Variants in SLC35F1 observed in about 807,000 individuals in gnomAD.
The protein encoded by SLC35F1 is solute carrier family 35 member F1.
In SLC35F1, 14 loss-of-function variants were observed where a neutral mutation model predicts 48.7. The observed-to-expected ratio is 0.29, with a 90% CI of 0.19 to 0.45. The LOEUF is 0.45. SLC35F1 is among the 20% of genes least tolerant of loss of function. The pLI is 1.00. For missense variants in SLC35F1, 404 were observed against 500.0 expected, an observed-to-expected ratio of 0.81 and a Z score of 1.83; for synonymous variants, 190 against 202.2, an observed-to-expected ratio of 0.94 and a Z score of 0.51.
chr6:117,907,548 C>A lies in SLC35F1; in HGVS notation c.-179C>A. 2.7e-6 allele frequency: 1 copy of A among 365,148 alleles called. No individual in the cohort carries two copies. Among genetic ancestry groups the A allele is most frequent in the Non-Finnish European group, 4.8e-6 (1 of 206,494 alleles). The allele number at this position is 365,148 out of a possible 1,614,324, so 22.6% of individuals were successfully genotyped here. A position where few individuals can be genotyped will look rare whatever the true frequency, so the allele number is the denominator to read the frequency against. ...ACTGGGACTGGAGAGGAGTGAGTGG[C>A]GGGCTGGGCGGCGGCGGCCGTAGCC... On this transcript the variant is annotated 5_prime_UTR_variant, in exon 1 of 8. Transcript: ENST00000360388.
chr6:117,943,360 A>G (rs1001239548), intron 1 of SLC35F1, among the ~76,000 whole-genome samples: 3 of 152,214 alleles, frequency 2.0e-5, no homozygotes, highest in Non-Finnish European at 4.4e-5. Flanking sequence ...AGGTGACACA[A>G]TCATCTCCTT....
At chr6:118,050,522 G>T (rs557772094) in intron 1 of SLC35F1, among the ~76,000 whole-genome samples, 1 of 152,086 alleles carries the variant, frequency 6.6e-6, no homozygotes, top group East Asian at 1.9e-4. Flanking sequence ...GAGCAGAGAA[G>T]AATTATTGAA....
intron 1 of SLC35F1, among the ~76,000 whole-genome samples, chr6:118,069,581 T>A (rs1366856072): frequency 6.6e-6 from 1 of 152,196 alleles, no homozygotes; most frequent in African/African-American, 2.4e-5. Context: ...TTGACAGTTT[T>A]ATGAGACACA....
At chr6:118,186,459 G>A (rs1005443207) in intron 2 of SLC35F1, among the ~76,000 whole-genome samples, 8 of 142,376 alleles carry the variant, frequency 5.6e-5, no homozygotes, top group African/African-American at 2.1e-4. Context: ...TTTATGCATT[G>A]CCATAGCTGC....
intron 2 of SLC35F1, among the ~76,000 whole-genome samples, chr6:118,207,994 T>C (rs945738450): frequency 6.6e-6 from 1 of 152,182 alleles, no homozygotes; most frequent in Non-Finnish European, 1.5e-5. Flanking sequence ...CATAAGGCCC[T>C]TGAAAAGGGC....
chr6:118,134,821 T>A (rs1773769947), intron 1 of SLC35F1, among the ~76,000 whole-genome samples: 1 of 152,134 alleles, frequency 6.6e-6, no homozygotes, highest in Non-Finnish European at 1.5e-5. Flanking sequence ...GTCACTTCCC[T>A]CCACAAAGCA....
Position 118,285,239 on chromosome 6 carries a change from A to C in SLC35F1, c.903A>C (p.Pro301=). ...TGTTTGGTCTCTACAGCTTTATGCC[A>C]GTCGTCATAAAGAAAACCAGTGCCA... is the stretch of plus-strand genomic sequence containing the variant. ...ACMFGLYSFM[P]VVIKKTSATS... The change falls in exon 7 of 8, where the codon CCA becomes CCC. Residue 301 remains proline, a synonymous_variant. Transcript: ENST00000360388. 1 of 1,613,976 alleles carries C rather than the reference A, an allele frequency of 6.2e-7. No individual in the cohort carries two copies. The highest frequency in any genetic ancestry group is 8.5e-7 in the Non-Finnish European group (1 of 1,179,888).
At position 117,921,853 on chromosome 6, in the gene SLC35F1, A is replaced by G. The variant is rs149630619; in HGVS notation, c.173+13954A>G. Reference sequence around the variant, plus strand: ...ATAAGATTGTTCATTTTGGATATCAATCGTCAAAGAAAATAGTGATTATGA... The same window carrying G: ...ATAAGATTGTTCATTTTGGATATCAGTCGTCAAAGAAAATAGTGATTATGA... On this transcript the variant is annotated intron_variant, in intron 1 of 7. Coordinates refer to ENST00000360388, the MANE Select transcript of SLC35F1 (RefSeq NM_001029858.4). 1.0e-3 allele frequency among the ~76,000 whole-genome samples: 156 copies of G among 152,358 alleles called. 1 individual carries two copies. Among genetic ancestry groups the G allele is most frequent in the African/African-American group, 3.7e-3 (154 of 41,586 alleles).
At chr6:118,228,444 T>C (rs1233248883) in intron 2 of SLC35F1, among the ~76,000 whole-genome samples, 7 of 152,190 alleles carry the variant, frequency 4.6e-5, no homozygotes, top group Non-Finnish European at 1.0e-4. Context: ...GGCTCACATC[T>C]GTAATCCCAG....
At chr6:118,058,504 T>C (rs1772492918) in intron 1 of SLC35F1, among the ~76,000 whole-genome samples, 1 of 152,184 alleles carries the variant, frequency 6.6e-6, no homozygotes, top group Admixed American at 6.5e-5. Flanking sequence ...GAGATTTTTA[T>C]AGAACAAGGT....
intron 2 of SLC35F1, among the ~76,000 whole-genome samples, chr6:118,191,673 A>C (rs384808): frequency 0.99 from 150,761 of 152,286 alleles, 74,630 homozygotes; most frequent in Middle Eastern, 1. Flanking sequence ...AAGGGGTTGA[A>C]TGTCATCAGT....
intron 1 of SLC35F1, among the ~76,000 whole-genome samples, chr6:117,940,655 G>A (rs78640631): frequency 6.8e-6 from 1 of 148,116 alleles, no homozygotes; most frequent in Non-Finnish European, 1.5e-5. Context: ...CTTTTTTTTT[G>A]TGTGTGTGTG....
intron 1 of SLC35F1, among the ~76,000 whole-genome samples, chr6:117,986,130 AT>A (rs1273402550): frequency 3.3e-5 from 5 of 152,170 alleles, no homozygotes; most frequent in Non-Finnish European, 7.4e-5. Context: ...ATATTGGAAT[AT>A]GGCCTTCTCA....
chr6:118,195,186 T>C (rs139458142), intron 2 of SLC35F1, among the ~76,000 whole-genome samples: 1 of 152,290 alleles, frequency 6.6e-6, no homozygotes, highest in Non-Finnish European at 1.5e-5. Context: ...TCAGGTAAAA[T>C]GTACCCCCAT....
chr6:118,125,867 G>T lies in SLC35F1; in HGVS notation c.174-28578G>T, dbSNP rs150443849. On this transcript the variant is annotated intron_variant, in intron 1 of 7. Coordinates refer to ENST00000360388, the MANE Select transcript of SLC35F1 (RefSeq NM_001029858.4). ...ACTGGCCAGCTCAGGGATGGAGGAG[G>T]GCAAGCAGGTTTCAGTGGCCTGGAG... Among the ~76,000 whole-genome samples the T allele has an allele frequency of 8.5e-5, 13 of 152,314 alleles. No individual in the cohort carries two copies. In the East Asian group the frequency reaches 2.5e-3, roughly 29 times the overall value.
chr6:118,202,788 G>GAGT (rs1176547690), intron 2 of SLC35F1, among the ~76,000 whole-genome samples: 1 of 152,232 alleles, frequency 6.6e-6, no homozygotes, highest in Non-Finnish European at 1.5e-5. Flanking sequence ...GAGTGACAGA[G>GAGT]AGTAGCTGGG....
At chr6:118,188,822 G>A (rs1280574978) in intron 2 of SLC35F1, among the ~76,000 whole-genome samples, 2 of 151,720 alleles carry the variant, frequency 1.3e-5, no homozygotes, top group African/African-American at 4.8e-5. Context: ...ATTTCCTTTG[G>A]GTATATACCC....
chr6:118,091,423 T>C (rs1400139886), intron 1 of SLC35F1, among the ~76,000 whole-genome samples: 1 of 152,178 alleles, frequency 6.6e-6, no homozygotes, highest in Non-Finnish European at 1.5e-5. Flanking sequence ...TGGGATCTGA[T>C]GGTTTTATGA....
chr6:118,179,236 C>T (rs1562316682), intron 2 of SLC35F1, among the ~76,000 whole-genome samples: 1 of 152,022 alleles, frequency 6.6e-6, no homozygotes, highest in Admixed American at 6.6e-5. Context: ...GCTGAGGAGT[C>T]GCATGATCTG....
Sources: gnomAD v4.1 joint callset for allele counts (sites outside exome capture counted in the v4.1 genomes callset) on GRCh38, gnomAD v4.1.1 for gene constraint, MANE v1.5 for transcripts, NCBI Gene and HGNC (gene_info 2026-07-23, HGNC 2026-07-21) for gene names.